RNLS: variants seen among roughly 807,000 people sequenced by gnomAD.
RNLS encodes the protein renalase, FAD dependent amine oxidase.
A neutral mutation model predicts 39.8 loss-of-function variants in RNLS; 39 were observed. The observed-to-expected ratio is 0.98, with a 90% CI of 0.76 to 1.28. The LOEUF is 1.28. Ranked by LOEUF, RNLS falls within the 50% of genes most tolerant of loss-of-function variation. The pLI is 0.00. For synonymous variants in RNLS, 147 were observed against 150.7 expected (o/e 0.98, Z 0.18); for missense variants, 410 against 413.3 (o/e 0.99, Z 0.07).
At chr10:88,183,878 A>T in the RNLS span, among the ~76,000 whole-genome samples, 3 of 152,170 alleles carry the variant, frequency 2.0e-5, no homozygotes, top group Non-Finnish European at 4.4e-5. Flanking sequence ...ATCAATGGCG[A>T]TACTGAGACT....
chr10:88,179,969 T>C, the RNLS span, among the ~76,000 whole-genome samples: 151,700 of 152,368 alleles, frequency 1, 75,518 homozygotes, highest in East Asian at 1. Context: ...GAATGCACCA[T>C]ATGATTGTTG....
At chr10:88,557,823 A>C (rs1848955577) in intron 4 of RNLS, among the ~76,000 whole-genome samples, 1 of 152,174 alleles carries the variant, frequency 6.6e-6, no homozygotes, top group South Asian at 2.1e-4. Flanking sequence ...GAAAAGTTTA[A>C]TTCAATTCAG....
At chr10:88,306,867 T>C (rs10788590) in intron 6 of RNLS, among the ~76,000 whole-genome samples, 114,796 of 152,040 alleles carry the variant, frequency 0.76, 44,002 homozygotes, top group East Asian at 0.98. Flanking sequence ...AGCACAGACA[T>C]GACAAAAAAA....
chr10:88,390,898 C>T (rs1447286553), intron 4 of RNLS, among the ~76,000 whole-genome samples: 1 of 152,122 alleles, frequency 6.6e-6, no homozygotes, highest in African/African-American at 2.4e-5. Context: ...AGCCTAGGAC[C>T]AAATTCAATC....
At chr10:88,270,142 A>AAGAG (rs1430875230), downstream of RNLS, among the ~76,000 whole-genome samples, 4 of 152,332 alleles carry the variant, frequency 2.6e-5, no homozygotes, top group East Asian at 7.7e-4. Flanking sequence ...CCTCTTTGAC[A>AAGAG]AGAGGAGAGA....
At chr10:88,436,667 T>C (rs1841430721) in intron 4 of RNLS, among the ~76,000 whole-genome samples, 1 of 152,236 alleles carries the variant, frequency 6.6e-6, no homozygotes, top group Admixed American at 6.5e-5. Context: ...TTAACAGATT[T>C]GTTTCTATAA....
chr10:88,217,910 G>T, the RNLS span, among the ~76,000 whole-genome samples: 1 of 151,986 alleles, frequency 6.6e-6, no homozygotes, highest in Non-Finnish European at 1.5e-5. Context: ...CATGGTGGCA[G>T]GCACCTGTAA....
intron 4 of RNLS, among the ~76,000 whole-genome samples, chr10:88,378,392 T>TAGTTTCCCTTTAGAA (rs1430843240): frequency 6.6e-6 from 1 of 152,194 alleles, no homozygotes; most frequent in Non-Finnish European, 1.5e-5. Context: ...GAATCCCTTC[T>TAGTTTCCCTTTAGAA]TCCCAAGGCA....
chr10:88,397,933 T>C (rs1213021433), intron 4 of RNLS, among the ~76,000 whole-genome samples: 20 of 152,034 alleles, frequency 1.3e-4, no homozygotes, highest in Non-Finnish European at 2.6e-4. Context: ...TAAACCCATA[T>C]ATCTATAGTA....
intron 4 of RNLS, among the ~76,000 whole-genome samples, chr10:88,557,570 G>T (rs1325899): frequency 0.81 from 123,146 of 152,072 alleles, 50,273 homozygotes; most frequent in East Asian, 0.97. Context: ...AACAAATTTG[G>T]ACTAAAGCTT....
At chr10:88,481,973 T>A (rs539514682) in intron 4 of RNLS, among the ~76,000 whole-genome samples, 2 of 152,170 alleles carry the variant, frequency 1.3e-5, no homozygotes, top group Non-Finnish European at 2.9e-5. Context: ...GAATTCTTCG[T>A]TGATTTTTTT....
intron 6 of RNLS, among the ~76,000 whole-genome samples, chr10:88,301,065 C>T (rs149386978): frequency 1.3e-5 from 2 of 152,210 alleles, no homozygotes; most frequent in East Asian, 3.9e-4. Context: ...AAAGTATTTG[C>T]TGGTCAAAAT....
chr10:88,177,976 G>A, the RNLS span, among the ~76,000 whole-genome samples: 1 of 152,212 alleles, frequency 6.6e-6, no homozygotes, highest in Non-Finnish European at 1.5e-5. Context: ...TGCTGGAGGT[G>A]GCAGGGTCAT....
the RNLS span, among the ~76,000 whole-genome samples, chr10:88,226,359 G>A: frequency 1.3e-5 from 2 of 152,184 alleles, no homozygotes; most frequent in Non-Finnish European, 2.9e-5. Context: ...CTAGCCATAT[G>A]CCTCTGGATA....
chr10:88,266,694 TACACACACACAC>T, the RNLS span, among the ~76,000 whole-genome samples: 5,148 of 134,170 alleles, frequency 0.038, 162 homozygotes, highest in African/African-American at 0.086. Flanking sequence ...TTCTTTTAAA[TACACACACACAC>T]ACACACACAC....
chr10:88,329,515 A>T (rs1389005602), intron 5 of RNLS, among the ~76,000 whole-genome samples: 1 of 151,426 alleles, frequency 6.6e-6, no homozygotes, highest in Admixed American at 6.6e-5. Context: ...CTTCATTGGG[A>T]TTTCTGAATC....
At chr10:88,238,022 CAT>C in the RNLS span, among the ~76,000 whole-genome samples, 2 of 152,182 alleles carry the variant, frequency 1.3e-5, no homozygotes, top group African/African-American at 4.8e-5. Flanking sequence ...TTTTCTAAAA[CAT>C]GTCTAAAGGC....
intron 4 of RNLS, among the ~76,000 whole-genome samples, chr10:88,560,703 G>T (rs1849126960): frequency 6.6e-6 from 1 of 151,944 alleles, no homozygotes; most frequent in South Asian, 2.1e-4. Context: ...GGGGACTAGG[G>T]CAAAGCTCTG....
chr10:88,480,642 G>A (rs191323396), intron 4 of RNLS, among the ~76,000 whole-genome samples: 509 of 152,216 alleles, frequency 3.3e-3, no homozygotes, highest in Non-Finnish European at 5.6e-3. Flanking sequence ...GGCTGGTTTC[G>A]AACTCCCGAC....
Sources: gnomAD v4.1 joint callset for allele counts (sites outside exome capture counted in the v4.1 genomes callset) on GRCh38, gnomAD v4.1.1 for gene constraint, MANE v1.5 for transcripts, NCBI Gene and HGNC (gene_info 2026-07-23, HGNC 2026-07-21) for gene names.